MARCHF1: variants seen among roughly 807,000 people sequenced by gnomAD.
The protein encoded by MARCHF1 is membrane associated ring-CH-type finger 1.
A neutral mutation model predicts 54.2 loss-of-function variants in MARCHF1; 40 were observed. The ratio of observed to expected loss-of-function variants is 0.74; its 90% CI spans 0.57 to 0.96. The LOEUF is 0.96. Ranked by LOEUF, MARCHF1 falls within the 40% of genes least tolerant of loss-of-function variation. The pLI, the probability that MARCHF1 is intolerant of heterozygous loss-of-function variation, is 0.00. For synonymous variants in MARCHF1, 236 were observed against 236.3 expected (o/e 1.00, Z 0.01); for missense variants, 586 against 656.5 (o/e 0.89, Z 1.17).
intron 1 of MARCHF1, among the ~76,000 whole-genome samples, chr4:164,214,196 G>C (rs959398465): frequency 2.6e-5 from 4 of 151,892 alleles, no homozygotes; most frequent in Non-Finnish European, 5.9e-5. Context: ...AAAAAGAATT[G>C]GGTATTTTAT....
At chr4:163,689,544 C>T (rs938187578) in intron 5 of MARCHF1, among the ~76,000 whole-genome samples, 2 of 152,148 alleles carry the variant, frequency 1.3e-5, no homozygotes, top group African/African-American at 2.4e-5. Context: ...TATATAATTG[C>T]AACTAGTTTG....
At chr4:164,075,970 T>C (rs1754969093) in intron 2 of MARCHF1, among the ~76,000 whole-genome samples, 1 of 152,286 alleles carries the variant, frequency 6.6e-6, no homozygotes, top group Middle Eastern at 3.4e-3. Flanking sequence ...CAAATTCATG[T>C]CAACAGGATG....
At chr4:164,317,726 A>G (rs898426942) in intron 1 of MARCHF1, among the ~76,000 whole-genome samples, 2 of 152,144 alleles carry the variant, frequency 1.3e-5, no homozygotes, top group Non-Finnish European at 2.9e-5. Context: ...AAATCAAAGA[A>G]TAGAATAGAG....
chr4:163,573,086 T>G (rs866245894), intron 8 of MARCHF1, among the ~76,000 whole-genome samples: 2 of 152,070 alleles, frequency 1.3e-5, no homozygotes, highest in Non-Finnish European at 2.9e-5. Context: ...CAGCTATCTG[T>G]CTTATTATAA....
intron 1 of MARCHF1, among the ~76,000 whole-genome samples, chr4:164,144,932 A>C (rs1490788978): frequency 7.6e-6 from 1 of 130,756 alleles, no homozygotes; most frequent in East Asian, 2.1e-4. Context: ...TAGCAAGACT[A>C]ATAAAGAAAA....
At chr4:163,611,452 C>T (rs537335328) in intron 7 of MARCHF1, among the ~76,000 whole-genome samples, 1 of 151,976 alleles carries the variant, frequency 6.6e-6, no homozygotes, top group Non-Finnish European at 1.5e-5. Flanking sequence ...ACAAGTATTG[C>T]GCAGTGAAAA....
intron 4 of MARCHF1, among the ~76,000 whole-genome samples, chr4:163,812,762 T>G (rs114103351): frequency 0.021 from 3,165 of 152,112 alleles, 76 homozygotes; most frequent in African/African-American, 0.052. Flanking sequence ...CATCTCAAAA[T>G]GACAACAACA....
chr4:164,029,086 C>T (rs887727878), intron 2 of MARCHF1, among the ~76,000 whole-genome samples: 20 of 152,240 alleles, frequency 1.3e-4, no homozygotes, highest in Middle Eastern at 3.4e-3. Flanking sequence ...AGAAATATCA[C>T]GCTTGCAAAT....
At chr4:163,636,171 T>C (rs1184566661) in intron 5 of MARCHF1, among the ~76,000 whole-genome samples, 3 of 152,166 alleles carry the variant, frequency 2.0e-5, no homozygotes, top group Non-Finnish European at 4.4e-5. Flanking sequence ...AGCATTCCGT[T>C]TGAAAACCGG....
intron 8 of MARCHF1, among the ~76,000 whole-genome samples, chr4:163,579,838 A>G (rs1191001423): frequency 6.6e-6 from 1 of 152,152 alleles, no homozygotes; most frequent in Non-Finnish European, 1.5e-5. Context: ...TTGGGTTCCT[A>G]TGATAGGGAA....
At chr4:164,326,957 TTGTGTGTGTGTGTGTGTGTGTGTG>T (rs370504086) in intron 1 of MARCHF1, among the ~76,000 whole-genome samples, 1 of 133,662 alleles carries the variant, frequency 7.5e-6, no homozygotes, top group Admixed American at 7.5e-5. Context: ...GTTGTAAGGA[TTGTGTGTGTGTGTGTGTGTGTGTG>T]TGTGTGTGTG....
At position 163,767,316 on chromosome 4, in the gene MARCHF1, T is replaced by C. The variant is rs577304712; in HGVS notation, c.112-66453A>G. The stretch of plus-strand genomic sequence containing the variant: ...TCAACAGAGAACACGTTGTACTGAC[T>C]TCAAACCCAACATTGCATTGCCTTT... On this transcript the variant is annotated intron_variant, in intron 4 of 9. Coordinates refer to ENST00000514618, the MANE Select transcript of MARCHF1 (RefSeq NM_001394959.1). 4.0e-5 allele frequency among the ~76,000 whole-genome samples: 6 copies of C among 151,898 alleles called. No homozygotes were observed. In the South Asian group the frequency reaches 1.3e-3, roughly 32 times the overall value.
At chr4:164,301,820 G>C (rs1734568840) in intron 1 of MARCHF1, among the ~76,000 whole-genome samples, 1 of 152,182 alleles carries the variant, frequency 6.6e-6, no homozygotes, top group African/African-American at 2.4e-5. Context: ...GCTGGAAATG[G>C]TCATGAATTT....
chr4:164,291,704 T>C (rs991820847), intron 1 of MARCHF1, among the ~76,000 whole-genome samples: 58 of 152,044 alleles, frequency 3.8e-4, no homozygotes, highest in African/African-American at 1.3e-3. Context: ...ACATGTATTG[T>C]AGACACAGAC....
intron 1 of MARCHF1, among the ~76,000 whole-genome samples, chr4:164,335,430 A>C (rs1481505721): frequency 6.6e-6 from 1 of 152,126 alleles, no homozygotes; most frequent in Non-Finnish European, 1.5e-5. Context: ...AAAATACGAA[A>C]AATTAACTGG....
intron 2 of MARCHF1, among the ~76,000 whole-genome samples, chr4:164,022,833 T>G (rs535822173): frequency 2.0e-4 from 30 of 152,288 alleles, no homozygotes; most frequent in African/African-American, 7.0e-4. Flanking sequence ...TCCTGCTCAC[T>G]AGCCACTCCT....
intron 2 of MARCHF1, among the ~76,000 whole-genome samples, chr4:164,079,900 A>T (rs1383433392): frequency 6.6e-6 from 1 of 152,234 alleles, no homozygotes; most frequent in Admixed American, 6.5e-5. Flanking sequence ...AACAAAATAC[A>T]TTAATATCAG....
At chr4:164,339,346 A>G (rs1355592512) in intron 1 of MARCHF1, among the ~76,000 whole-genome samples, 1 of 152,194 alleles carries the variant, frequency 6.6e-6, no homozygotes, top group Non-Finnish European at 1.5e-5. Context: ...AAGCCTTAAC[A>G]AATTTAAGAA....
intron 2 of MARCHF1, among the ~76,000 whole-genome samples, chr4:164,052,142 T>G (rs1338572923): frequency 1.4e-5 from 1 of 71,100 alleles, no homozygotes; most frequent in African/African-American, 4.4e-5. Context: ...GAAGTTTTTT[T>G]TTTTGTTTTT....
Sources: gnomAD v4.1 joint callset for allele counts (sites outside exome capture counted in the v4.1 genomes callset) on GRCh38, gnomAD v4.1.1 for gene constraint, MANE v1.5 for transcripts, NCBI Gene and HGNC (gene_info 2026-07-23, HGNC 2026-07-21) for gene names.